Variants in TBC1D5 observed in about 807,000 individuals in gnomAD.
TBC1D5 encodes the protein TBC1 domain family member 5.
A neutral mutation model predicts 100.3 loss-of-function variants in TBC1D5; 75 were observed. The ratio of observed to expected loss-of-function variants is 0.75; its 90% confidence interval spans 0.62 to 0.91. The LOEUF is 0.91. Ranked by LOEUF, TBC1D5 falls within the 40% of genes least tolerant of loss-of-function variation. TBC1D5 has a pLI of 0.00. For synonymous variants in TBC1D5, 323 were observed against 325.6 expected, an observed-to-expected ratio of 0.99 and a Z score of 0.09; for missense variants, 910 against 942.4, an observed-to-expected ratio of 0.97 and a Z score of 0.45.
At chr3:17,680,036 T>C (rs566074164) in intron 1 of TBC1D5, among the ~76,000 whole-genome samples, 20 of 151,366 alleles carry the variant, frequency 1.3e-4, no homozygotes, top group Non-Finnish European at 2.8e-4. Context: ...AAGTCTTACA[T>C]TAAGAAAAAG....
chr3:17,720,798 G>C (rs577861659), intron 1 of TBC1D5, among the ~76,000 whole-genome samples: 25 of 152,086 alleles, frequency 1.6e-4, no homozygotes, highest in African/African-American at 5.1e-4. Flanking sequence ...CTGAGCAACA[G>C]AGTGAGACTT....
rs556174646 is a variant in TBC1D5 at position 17,627,865 on chromosome 3, A to C, written c.-100-3952T>G. The stretch of plus-strand genomic sequence containing the variant: ...AAGTAAATGCCCATACAAGATTAAA[A>C]GAAAAACACTGTCACGTGCTTTTTA... On this transcript the variant is annotated intron_variant, in intron 1 of 21. Coordinates refer to ENST00000253692, the Ensembl canonical transcript of TBC1D5. 2.0e-5 allele frequency among the ~76,000 whole-genome samples: 3 copies of C among 152,318 alleles called. No homozygotes were observed. In the East Asian group the frequency reaches 5.8e-4, roughly 29 times the overall value.
chr3:17,220,681 T>C (rs576645541), intron 17 of TBC1D5, among the ~76,000 whole-genome samples: 1 of 152,292 alleles, frequency 6.6e-6, no homozygotes, highest in East Asian at 1.9e-4. Context: ...CTTTTTTCCA[T>C]GAATTTTTCC....
At chr3:17,723,013 A>C (rs2075828675) in intron 1 of TBC1D5, among the ~76,000 whole-genome samples, 1 of 152,234 alleles carries the variant, frequency 6.6e-6, no homozygotes, top group Admixed American at 6.5e-5. Flanking sequence ...TATGAATATT[A>C]AGAATTACAT....
At chr3:17,353,425 A>G (rs2090866260) in intron 13 of TBC1D5, among the ~76,000 whole-genome samples, 1 of 152,054 alleles carries the variant, frequency 6.6e-6, no homozygotes. Context: ...TGAAATCTGT[A>G]TTAGGGAAAA....
intron 2 of TBC1D5, among the ~76,000 whole-genome samples, chr3:17,560,057 A>C (rs556941125): frequency 2.4e-4 from 36 of 152,346 alleles, no homozygotes; most frequent in African/African-American, 6.5e-4. Flanking sequence ...AATTTTAAAA[A>C]GATACTATGT....
At chr3:17,161,657 T>TTCA (rs2066069689) in intron 21 of TBC1D5, among the ~76,000 whole-genome samples, 1 of 152,216 alleles carries the variant, frequency 6.6e-6, no homozygotes, top group Non-Finnish European at 1.5e-5. Context: ...AACTTTAACT[T>TTCA]TCATCTGTGA....
intron 18 of TBC1D5, among the ~76,000 whole-genome samples, chr3:17,187,529 G>A (rs2069285173): frequency 6.6e-6 from 1 of 152,198 alleles, no homozygotes; most frequent in African/African-American, 2.4e-5. Context: ...AGCAGAAGAA[G>A]AGCCTGAGCC....
intron 2 of TBC1D5, among the ~76,000 whole-genome samples, chr3:17,589,034 G>A (rs2096750233): frequency 6.6e-6 from 1 of 152,160 alleles, no homozygotes; most frequent in Admixed American, 6.5e-5. Flanking sequence ...TATATAACCA[G>A]TGATAGCCTT....
At chr3:17,348,726 C>A (rs2090211142) in intron 13 of TBC1D5, among the ~76,000 whole-genome samples, 2 of 152,122 alleles carry the variant, frequency 1.3e-5, no homozygotes, top group African/African-American at 4.8e-5. Context: ...GAGTATATGA[C>A]CCATTCCTAC....
intron 16 of TBC1D5, among the ~76,000 whole-genome samples, chr3:17,244,736 C>G (rs1372935619): frequency 6.6e-6 from 1 of 152,120 alleles, no homozygotes; most frequent in Non-Finnish European, 1.5e-5. Context: ...CATTATTGAT[C>G]TGCTGAGTGG....
rs540082104 is a variant in TBC1D5 at position 17,462,456 on chromosome 3, T to C, written c.98-33937A>G. ...CTCCTATCTCAGCCTCCTGAATAGCTAGGACAGGTGCAGGTCACCACACTC... is the reference window on the plus strand; with the variant it reads ...CTCCTATCTCAGCCTCCTGAATAGCCAGGACAGGTGCAGGTCACCACACTC... On this transcript the variant is annotated intron_variant, in intron 3 of 21. Transcript: ENST00000253692. Among the ~76,000 whole-genome samples the C allele has an allele frequency of 7.3e-5, 11 of 151,690 alleles. No individual in the cohort carries two copies. In the South Asian group the frequency reaches 2.3e-3, roughly 31 times the overall value.
At chr3:17,581,351 A>G (rs572039242) in intron 2 of TBC1D5, among the ~76,000 whole-genome samples, 2 of 152,074 alleles carry the variant, frequency 1.3e-5, no homozygotes, top group East Asian at 1.9e-4. Context: ...ACAATTAACA[A>G]CTTCCACAGT....
chr3:17,351,692 C>T (rs1050765860), intron 13 of TBC1D5, among the ~76,000 whole-genome samples: 3 of 151,486 alleles, frequency 2.0e-5, no homozygotes, highest in Non-Finnish European at 4.4e-5. Flanking sequence ...CAAACCTGCA[C>T]GTTCTGCACA....
At chr3:17,732,725 A>G (rs895228784) in intron 1 of TBC1D5, among the ~76,000 whole-genome samples, 4 of 150,708 alleles carry the variant, frequency 2.7e-5, no homozygotes, top group Non-Finnish European at 5.9e-5. Flanking sequence ...TCAAAAAAAT[A>G]AATAAATAAA....
chr3:17,631,770 G>A (rs1358716306), intron 1 of TBC1D5, among the ~76,000 whole-genome samples: 1 of 152,168 alleles, frequency 6.6e-6, no homozygotes, highest in Non-Finnish European at 1.5e-5. Context: ...TTTGCAGTGT[G>A]ATTTATTGAA....
chr3:17,224,345 G>A (rs959389532), intron 17 of TBC1D5, among the ~76,000 whole-genome samples: 1 of 152,122 alleles, frequency 6.6e-6, no homozygotes, highest in Non-Finnish European at 1.5e-5. Context: ...TATAATGTGA[G>A]CCACACATGC....
At chr3:17,727,725 A>G (rs1241898425) in intron 1 of TBC1D5, among the ~76,000 whole-genome samples, 1 of 152,232 alleles carries the variant, frequency 6.6e-6, no homozygotes, top group African/African-American at 2.4e-5. Flanking sequence ...GCCTACACAA[A>G]TAGGTGAGTT....
At chr3:17,223,525 A>G (rs1043791422) in intron 17 of TBC1D5, among the ~76,000 whole-genome samples, 5 of 152,156 alleles carry the variant, frequency 3.3e-5, no homozygotes, top group Non-Finnish European at 5.9e-5. Context: ...TATAAATACC[A>G]CTAGAAGCAT....
Sources: allele counts gnomAD v4.1 joint callset (sites outside exome capture counted in the v4.1 genomes callset), GRCh38; gene constraint gnomAD v4.1.1; transcripts MANE v1.5; gene names NCBI Gene and HGNC (gene_info 2026-07-23, HGNC 2026-07-21).